Variants in NOL10 observed in about 807,000 individuals in gnomAD.
The protein encoded by NOL10 is H_NH0074G24.1.
A neutral mutation model predicts 103.5 loss-of-function variants in NOL10; 58 were observed. The observed-to-expected ratio is 0.56, with a 90% CI of 0.45 to 0.70. The LOEUF is 0.70. NOL10 is among the 30% of genes least tolerant of loss of function. NOL10 has a pLI of 0.00. For synonymous variants in NOL10, 287 were observed against 282.5 expected (o/e 1.02, Z -0.16); for missense variants, 763 against 807.3 (o/e 0.95, Z 0.67).
chr2:10,649,311 A>ATTTTTTTTTTTTTTTTTT (rs56031158), intron 12 of NOL10, among the ~76,000 whole-genome samples: 1 of 99,046 alleles, frequency 1.0e-5, no homozygotes, highest in Non-Finnish European at 1.9e-5. Flanking sequence ...GTATGTTTGA[A>ATTTTTTTTTTTTTTTTTT]TTTTTTTTTT....
chr2:10,647,248 T>C (rs1350170332), intron 12 of NOL10, among the ~76,000 whole-genome samples: 2 of 152,112 alleles, frequency 1.3e-5, no homozygotes, highest in African/African-American at 4.8e-5. Context: ...CCCAGAAACA[T>C]GCACAAATCA....
At chr2:10,663,638 G>A (rs1003763882) in intron 8 of NOL10, among the ~76,000 whole-genome samples, 1 of 151,844 alleles carries the variant, frequency 6.6e-6, no homozygotes, top group Non-Finnish European at 1.5e-5. Context: ...AAAAGCTGGG[G>A]AAAATTTTTT....
intron 13 of NOL10, among the ~76,000 whole-genome samples, chr2:10,642,719 C>A (rs1678786689): frequency 6.6e-6 from 1 of 152,128 alleles, no homozygotes. Flanking sequence ...CACTCCACCC[C>A]ACCCCTTCAC....
chr2:10,636,579 C>T (rs1166274157), intron 13 of NOL10, among the ~76,000 whole-genome samples: 2 of 151,172 alleles, frequency 1.3e-5, no homozygotes, highest in African/African-American at 4.9e-5. Flanking sequence ...CAATGCACTC[C>T]ACCCTGGGAG....
In NOL10 at chr2:10,681,825, G is replaced by C. The variant is rs140409328; in HGVS notation, c.211+146C>G. On this transcript the variant is annotated intron_variant, in intron 3 of 20. Transcript: ENST00000381685. ...GCAGAATTTAGGTAGTAGTTAAATG[G>C]GTGTTTACTATACAATTTTTTCAAT... 1.8e-3 allele frequency: 698 copies of C among 387,180 alleles called. 10 individuals are homozygous for C. The East Asian group carries it at 0.026, about 15-fold the overall frequency. 24.0% of individuals were successfully genotyped at this position (387,180 alleles called of 1,614,324 possible).
chr2:10,576,869 T>C (rs1674477645), intron 20 of NOL10, among the ~76,000 whole-genome samples: 1 of 152,104 alleles, frequency 6.6e-6, no homozygotes, highest in Admixed American at 6.5e-5. Flanking sequence ...CTGTGAATTA[T>C]ATCTCAATTT....
At chr2:10,662,809 T>C (rs1201155312) in intron 9 of NOL10, 150 bp downstream of exon 9, 3 of 627,416 alleles carry the variant, frequency 4.8e-6, no homozygotes, top group Non-Finnish European at 8.3e-6. Flanking sequence ...TACTCACTAG[T>C]GAGCTTTTAC....
chr2:10,636,090 G>T (rs1572343142), intron 13 of NOL10, among the ~76,000 whole-genome samples: 1 of 152,160 alleles, frequency 6.6e-6, no homozygotes, highest in African/African-American at 2.4e-5. Flanking sequence ...GTTTCGCCTT[G>T]TTGGCCAGGC....
At chr2:10,609,842 A>G (rs529689361) in intron 13 of NOL10, among the ~76,000 whole-genome samples, 3 of 152,300 alleles carry the variant, frequency 2.0e-5, no homozygotes, top group East Asian at 1.9e-4. Context: ...TATAATATCC[A>G]AGATATTGTC....
At chr2:10,589,013 T>A (rs1178580656) in intron 19 of NOL10, 30 bp downstream of exon 19, 1 of 1,610,016 alleles carries the variant, frequency 6.2e-7, no homozygotes, top group Non-Finnish European at 8.5e-7. Flanking sequence ...TGGTTACATG[T>A]CAACTGTGCG....
chr2:10,688,668 C>CT (rs1343992787), intron 1 of NOL10, among the ~76,000 whole-genome samples: 5 of 152,218 alleles, frequency 3.3e-5, no homozygotes, highest in African/African-American at 1.2e-4. Context: ...CTTAAATTGC[C>CT]TTATTTGCTC....
chr2:10,675,081 T>C (rs1681211562), intron 4 of NOL10, among the ~76,000 whole-genome samples: 1 of 152,066 alleles, frequency 6.6e-6, no homozygotes, highest in African/African-American at 2.4e-5. Context: ...TTCACATCTG[T>C]AGTTCTAGCT....
At chr2:10,604,021 G>T (rs562383800) in intron 14 of NOL10, among the ~76,000 whole-genome samples, 48 of 152,298 alleles carry the variant, frequency 3.2e-4, no homozygotes, top group African/African-American at 1.2e-3. Context: ...GTTTCAGGAC[G>T]AAACTATTCC....
At position 10,652,229 on chromosome 2, in the gene NOL10, G is replaced by A. The variant is rs548616499; in HGVS notation, c.973+2252C>T. On this transcript the variant is annotated intron_variant, in intron 12 of 20. Transcript: ENST00000381685. ...CACTCCAGCCTGGGGGACAGAGGGA[G>A]ACTCTGTCTCAAAAAAAAAAAAGAA... Among the ~76,000 whole-genome samples, 9 of 149,894 alleles carry A rather than the reference G, an allele frequency of 6.0e-5. 1 individual carries two copies. In the South Asian group the frequency reaches 1.7e-3, roughly 28 times the overall value.
intron 9 of NOL10, among the ~76,000 whole-genome samples, chr2:10,660,793 C>T (rs184461343): frequency 2.2e-4 from 34 of 152,172 alleles, no homozygotes; most frequent in African/African-American, 8.2e-4. Flanking sequence ...CTGAGTTTCT[C>T]AGGCACAGAA....
chr2:10,630,245 A>G (rs1273247543), intron 13 of NOL10, among the ~76,000 whole-genome samples: 1 of 152,222 alleles, frequency 6.6e-6, no homozygotes, highest in East Asian at 1.9e-4. Context: ...TGCTCAAGAA[A>G]CTAGTGTTCG....
chr2:10,610,230 A>G (rs1422165505), intron 13 of NOL10, among the ~76,000 whole-genome samples: 1 of 152,230 alleles, frequency 6.6e-6, no homozygotes, highest in Non-Finnish European at 1.5e-5. Flanking sequence ...CAAAGACAAT[A>G]AAAAGATTAT....
intron 13 of NOL10, among the ~76,000 whole-genome samples, chr2:10,625,185 T>A (rs908379921): frequency 2.6e-5 from 4 of 152,160 alleles, no homozygotes; most frequent in African/African-American, 9.7e-5. Flanking sequence ...CTATGTGATA[T>A]TATGACCGTG....
At chr2:10,645,216 T>A (rs552916097) in intron 12 of NOL10, among the ~76,000 whole-genome samples, 1 of 152,264 alleles carries the variant, frequency 6.6e-6, no homozygotes, top group African/African-American at 2.4e-5. Flanking sequence ...AAAGCTAAAG[T>A]CAAACTCAAG....
Sources: allele counts gnomAD v4.1 joint callset (sites outside exome capture counted in the v4.1 genomes callset), GRCh38; gene constraint gnomAD v4.1.1; transcripts MANE v1.5; gene names NCBI Gene and HGNC (gene_info 2026-07-23, HGNC 2026-07-21).